The following CCT6A variants were observed in gnomAD, a reference collection of about 807,000 sequenced individuals.
The protein encoded by CCT6A is chaperonin containing TCP1 subunit 6A.
Under a neutral mutation model 58.6 loss-of-function variants are expected in CCT6A, and 6 were observed. The ratio of observed to expected loss-of-function variants is 0.10; its 90% CI spans 0.06 to 0.20. CCT6A has a LOEUF of 0.20. Among genes scored for constraint, CCT6A ranks in the 10% least tolerant of loss-of-function variants. The pLI, the probability that CCT6A is intolerant of heterozygous loss-of-function variation, is 1.00. For synonymous variants in CCT6A, 245 were observed against 227.8 expected, an observed-to-expected ratio of 1.08 and a Z score of -0.68; for missense variants, 516 against 648.8, an observed-to-expected ratio of 0.80 and a Z score of 2.22.
intron 1 of CCT6A, 34 bp downstream of exon 1, chr7:56,052,019 C>T (rs1482301440): frequency 7.1e-7 from 1 of 1,417,002 alleles, no homozygotes; most frequent in African/African-American, 1.5e-5. Flanking sequence ...GCCGGGCGGG[C>T]ACCGCGCGCC....
chr7:56,054,564 A>G (rs1424100915), intron 3 of CCT6A, 61 bp downstream of exon 3: 2 of 1,515,948 alleles, frequency 1.3e-6, no homozygotes, highest in African/African-American at 1.4e-5. Flanking sequence ...TGATATTTAT[A>G]CAAATTGATG....
chr7:56,052,320 C>T (rs1332699899), intron 1 of CCT6A, 102 bp from the exon 2 acceptor site: 6 of 1,009,232 alleles, frequency 5.9e-6, no homozygotes, highest in East Asian at 2.4e-5. Context: ...ACTAGCCCCA[C>T]ATCCCTGGCT....
At chr7:56,061,950 T>G in intron 12 of CCT6A, 101 bp downstream of exon 12, 1 of 608,930 alleles carries the variant, frequency 1.6e-6, no homozygotes, top group Non-Finnish European at 2.8e-6. Flanking sequence ...TTGACACCAG[T>G]GCTGTTAGGG....
chr7:56,056,660 T>C (rs535277303), intron 5 of CCT6A, among the ~76,000 whole-genome samples: 3 of 151,500 alleles, frequency 2.0e-5, no homozygotes, highest in African/African-American at 7.3e-5. Flanking sequence ...AGGCGGAGGT[T>C]GCAGTGAGCT....
At position 56,052,471 on chromosome 7, in the gene CCT6A, C is replaced by T; in HGVS notation, c.187C>T (p.Leu63=). The change falls in exon 2 of 14, where the codon CTG becomes TTG. Residue 63 remains leucine, a synonymous_variant. Transcript: ENST00000275603. ...CAAACTTACTAAAGACGGCAATGTG[C>T]TGCTTCACGAAATGGTGAGAGGTGC... The part of the protein sequence containing the change: ...DIKLTKDGNV[L]LHEMQIQHPT... 1 of 1,613,762 alleles carries T rather than the reference C, an allele frequency of 6.2e-7. No individual in the cohort carries two copies. Among genetic ancestry groups the T allele is most frequent in the Non-Finnish European group, 8.5e-7 (1 of 1,179,636 alleles).
At position 56,052,411 on chromosome 7, in the gene CCT6A, C is replaced by G; in HGVS notation, c.138-11C>G. 1 of 1,612,680 alleles carries G rather than the reference C, an allele frequency of 6.2e-7. No individual in the cohort carries two copies. The highest frequency in any genetic ancestry group is 8.5e-7 in the Non-Finnish European group (1 of 1,178,664). On this transcript the variant is annotated splice_polypyrimidine_tract_variant and intron_variant, in intron 1 of 13. Coordinates refer to ENST00000275603, the MANE Select transcript of CCT6A (RefSeq NM_001762.4). ...AAGTCATAGTCTGGTTCATTTCTGT[C>G]CTTTAAACAGGCTCGTTTCTGGCGC...
rs368649385 is a variant in CCT6A, at chr7:56,056,316, A to G, written c.516A>G (p.Val172=). Residue 172 remains valine, a synonymous_variant, in exon 5 of 14, where the codon GTA becomes GTG. Transcript: ENST00000275603. ...TTATGCTCCTCCAATTGCAGGCTGT[A>G]GTGGACTCCATTTTGGCCATTAAAA... ...AELADVLTEA[V]VDSILAIKKQ... 4.3e-5 allele frequency: 66 copies of G among 1,519,956 alleles called. No individual in the cohort carries two copies. The highest frequency in any genetic ancestry group is 4.9e-5 in the Non-Finnish European group (54 of 1,094,238). 94.2% of individuals were successfully genotyped at this position (1,519,956 alleles called of 1,614,324 possible). A position where few individuals can be genotyped will look rare whatever the true frequency, so the allele number is the denominator to read the frequency against.
At chr7:56,056,792 T>C (rs1243429845) in intron 5 of CCT6A, among the ~76,000 whole-genome samples, 1 of 144,674 alleles carries the variant, frequency 6.9e-6, no homozygotes, top group East Asian at 2.1e-4. Context: ...ACAATATAGA[T>C]AGTTGGCTTT....
rs202058535 is a variant in CCT6A at position 56,060,820 on chromosome 7, A to G, written c.1227A>G (p.Pro409=). The change falls in exon 11 of 14, where the codon CCA becomes CCG. Residue 409 remains proline (P), a synonymous_variant. Transcript: ENST00000275603. ...CCCATCCAACAGGCTGTGTGGTTCC[A>G]GGTGCTGGTGCCGTGGAAGTGGCAA... ...KNAIDDGCVV[P]GAGAVEVAMA... 8.9e-5 allele frequency: 144 copies of G among 1,611,372 alleles called. 2 individuals are homozygous for G. The Admixed American group carries it at 2.4e-3, about 27-fold the overall frequency.
intron 3 of CCT6A, 39 bp downstream of exon 3, chr7:56,054,542 A>G (rs373865839): frequency 4.8e-5 from 76 of 1,584,734 alleles, no homozygotes; most frequent in Non-Finnish European, 6.5e-5. Context: ...TTTTTTGTAT[A>G]TAGGAAGTGT....
intron 8 of CCT6A, among the ~76,000 whole-genome samples, 189 bp from the exon 9 acceptor site, chr7:56,059,355 G>T (rs1279645533): frequency 6.6e-6 from 1 of 152,170 alleles, no homozygotes; most frequent in Non-Finnish European, 1.5e-5. Flanking sequence ...GGGGAGAGTG[G>T]TTTAAATGGA....
At chr7:56,057,928 A>G (rs1403224487) in intron 5 of CCT6A, 65 bp from the exon 6 acceptor site, 1 of 845,642 alleles carries the variant, frequency 1.2e-6, no homozygotes, top group Non-Finnish European at 2.0e-6. Flanking sequence ...TTCTCATTTC[A>G]GTGTTTAATA....
chr7:56,054,956 A>G (rs1387396396), intron 3 of CCT6A, among the ~76,000 whole-genome samples: 7 of 152,158 alleles, frequency 4.6e-5, no homozygotes, highest in Admixed American at 4.6e-4. Flanking sequence ...AAATGATGTG[A>G]GTTAGTTTGA....
intron 13 of CCT6A, 123 bp downstream of exon 13, chr7:56,062,878 C>A (rs1794499174): frequency 8.8e-7 from 1 of 1,135,548 alleles, no homozygotes; most frequent in Non-Finnish European, 1.3e-6. Flanking sequence ...GGAAACTGAA[C>A]TAGCCCTCTG....
intron 11 of CCT6A, 104 bp downstream of exon 11, chr7:56,061,044 G>C: frequency 7.7e-7 from 1 of 1,306,864 alleles, no homozygotes. Context: ...AAGCAAGTTT[G>C]ATCAGTTTTC....
rs747944355 is a variant in CCT6A, at chr7:56,058,343, CT to C, written c.726-9del. 4.5e-4 allele frequency: 639 copies of C among 1,425,936 alleles called. No homozygotes were observed. The highest frequency in any genetic ancestry group is 9.2e-4 in the South Asian group (67 of 73,198). 88.3% of individuals were successfully genotyped at this position (1,425,936 alleles called of 1,614,324 possible). A position where few individuals can be genotyped will look rare whatever the true frequency, so the allele number is the denominator to read the frequency against. On this transcript the variant is annotated intron_variant, in intron 6 of 13. Transcript: ENST00000275603. ...CTTAATGTTTCCCTGCTTTCTGTAA[CT>C]TTTTTTTTTCTTAATAGAGAAGTGA... is the stretch of plus-strand genomic sequence containing the variant.
At chr7:56,060,207 C>T (rs1584551976) in intron 9 of CCT6A, 62 bp from the exon 10 acceptor site, 2 of 1,427,192 alleles carry the variant, frequency 1.4e-6, no homozygotes, top group Non-Finnish European at 2.0e-6. Context: ...TCTGTAAGTC[C>T]CTCTTCTCTC....
chr7:56,054,652 T>C (rs915081141), intron 3 of CCT6A, 149 bp downstream of exon 3: 9 of 685,512 alleles, frequency 1.3e-5, no homozygotes, highest in African/African-American at 1.1e-4. Context: ...CTAAAACAAA[T>C]TGTGACCTTG....
In CCT6A at chr7:56,058,049, G is replaced by A; in HGVS notation, c.671G>A (p.Arg224Lys). ...GCACGGCATCCTGATATGAAGAAAA[G>A]GGTGGAGGATGCATACATCCTCACT... Reference protein sequence around the residue: ...HGARHPDMKKRVEDAYILTCN... With the variant: ...HGARHPDMKKKVEDAYILTCN... Residue 224 changes from arginine to lysine, a missense_variant, in exon 6 of 14, where the codon AGG becomes AAG. Physicochemically the swap from Arg to Lys is conservative, Grantham distance 26. This residue lies in a region of CCT6A where 315 missense variants were observed against 389.4 expected (regional missense o/e 0.81). Coordinates refer to ENST00000275603, the MANE Select transcript of CCT6A (RefSeq NM_001762.4). The A allele has an allele frequency of 6.2e-7, 1 of 1,613,192 alleles. No individual in the cohort carries two copies. Among genetic ancestry groups the A allele is most frequent in the Non-Finnish European group, 8.5e-7 (1 of 1,179,142 alleles).
Sources: allele counts gnomAD v4.1 joint callset (sites outside exome capture counted in the v4.1 genomes callset), GRCh38; gene constraint gnomAD v4.1.1; regional missense constraint gnomAD v4.1.1; transcripts MANE v1.5; gene names NCBI Gene and HGNC (gene_info 2026-07-23, HGNC 2026-07-21).